SMIM24: variants seen among roughly 807,000 people sequenced by gnomAD.
The protein encoded by SMIM24 is MAP17-related dimer.
Under a neutral mutation model 10.8 loss-of-function variants are expected in SMIM24, and 6 were observed. The ratio of observed to expected loss-of-function variants is 0.55; its 90% CI spans 0.30 to 1.09. The LOEUF is 1.09. SMIM24 is among the 50% of genes least tolerant of loss of function. SMIM24 has a pLI of 0.06. For missense variants in SMIM24, 151 were observed against 153.4 expected, an observed-to-expected ratio of 0.98 and a Z score of 0.08; for synonymous variants, 71 against 62.4, an observed-to-expected ratio of 1.14 and a Z score of -0.65.
chr19:3,478,535 A>C (rs2082802954), intron 2 of SMIM24, 57 bp from the exon 3 acceptor site: 15 of 1,453,776 alleles, frequency 1.0e-5, no homozygotes, highest in Non-Finnish European at 1.4e-5. Context: ...GGGGCGGTAA[A>C]GGGAAGGAAG....
At chr19:3,480,235 G>T (rs1325953344) in intron 1 of SMIM24, among the ~76,000 whole-genome samples, 162 bp downstream of exon 1, 1 of 151,868 alleles carries the variant, frequency 6.6e-6, no homozygotes, top group Non-Finnish European at 1.5e-5. Flanking sequence ...CCCAGCGAGA[G>T]GGAGGCCGGG....
intron 3 of SMIM24, among the ~76,000 whole-genome samples, chr19:3,477,788 G>A (rs1486384956): frequency 6.8e-6 from 1 of 147,632 alleles, no homozygotes; most frequent in Non-Finnish European, 1.5e-5. Context: ...TGAGTGGGTG[G>A]ATGAGTGGAT....
chr19:3,480,376 CT>C lies in SMIM24; in HGVS notation c.67+20del. On this transcript the variant is annotated intron_variant, in intron 1 of 3. Transcript: ENST00000215531. ...CAACTCCCCTATCCCGCGACGCCCC[CT>C]CCCGCCCCCCTGCACCTACCCTGCT... 1.3e-6 allele frequency: 2 copies of C among 1,517,642 alleles called. No individual in the cohort carries two copies. Among genetic ancestry groups the C allele is most frequent in the East Asian group, 2.5e-5 (1 of 39,702 alleles). 94.0% of individuals were successfully genotyped at this position (1,517,642 alleles called of 1,614,324 possible). A position where few individuals can be genotyped will look rare whatever the true frequency, so the allele number is the denominator to read the frequency against.
chr19:3,480,365 C>G (rs775169894), intron 1 of SMIM24, 32 bp downstream of exon 1: 11 of 1,469,186 alleles, frequency 7.5e-6, no homozygotes, highest in Non-Finnish European at 1.0e-5. Flanking sequence ...TCCCCTATCC[C>G]GCGACGCCCC....
chr19:3,475,073 C>T (rs1241491266), intron 3 of SMIM24, 77 bp from the exon 4 acceptor site: 6 of 1,451,262 alleles, frequency 4.1e-6, no homozygotes, highest in African/African-American at 1.4e-5. Context: ...CTTGAGCCAG[C>T]CCATGTGATG....
chr19:3,478,749 CAG>C, intron 2 of SMIM24, 67 bp downstream of exon 2: 2 of 1,199,092 alleles, frequency 1.7e-6, no homozygotes, highest in Non-Finnish European at 2.3e-6. Context: ...ATGGGGGTAC[CAG>C]AGAGGGTTGG....
intron 3 of SMIM24, among the ~76,000 whole-genome samples, chr19:3,477,063 C>CGGG (rs145651664): frequency 1.2e-5 from 1 of 84,360 alleles, no homozygotes; most frequent in African/African-American, 5.3e-5. Flanking sequence ...ATGGATAGGT[C>CGGG]GGGGGGTGGG....
rs902067049 is a variant in SMIM24, at chr19:3,480,422, G to A, written c.42C>T (p.Leu14=). The A allele has an allele frequency of 9.7e-6, 15 of 1,549,164 alleles. No individual in the cohort carries two copies. Among genetic ancestry groups the A allele is most frequent in the African/African-American group, 2.7e-5 (2 of 72,946 alleles). The stretch of plus-strand genomic sequence containing the variant: ...CCTGCTGGGCCTCCACCGGGGAGAG[G>A]AGCAGAAACTCCAGCACCAGAAGGG... ...LGALLVLEFL[L]LSPVEAQQAT... Residue 14 remains leucine (L), a synonymous_variant, in exon 1 of 4, where the codon CTC becomes CTT. Transcript: ENST00000215531.
chr19:3,474,889 T>G lies in SMIM24; in HGVS notation c.347A>C (p.Glu116Ala). The change falls in exon 4 of 4, where the codon GAA becomes GCA. Residue 116 changes from glutamate to alanine, a missense_variant. By Grantham distance (107) the Glu-to-Ala change is moderately radical. Coordinates refer to ENST00000215531, the MANE Select transcript of SMIM24 (RefSeq NM_001136503.2). ...TCTCTCATGGTCTCCGGGCTCTTTT[T>G]CCTCCAGATCCAGTCCCAAGTTGCT... The part of the protein sequence containing the change: ...GESNLGLDLE[E>A]KEPGDHERAK... 6.4e-7 allele frequency: 1 copy of G among 1,551,716 alleles called. No homozygotes were observed. Among genetic ancestry groups the G allele is most frequent in the Non-Finnish European group, 8.7e-7 (1 of 1,147,004 alleles).
chr19:3,474,243 A>G lies in SMIM24; in HGVS notation c.*600T>C, dbSNP rs1332742749. The G allele has an allele frequency of 8.7e-6, 1 of 114,832 alleles. No individual in the cohort carries two copies. Among genetic ancestry groups the G allele is most frequent in the Non-Finnish European group, 1.9e-5 (1 of 51,982 alleles). The allele number at this position is 114,832 out of a possible 1,614,324, so 7.1% of individuals were successfully genotyped here. A position where few individuals can be genotyped will look rare whatever the true frequency, so the allele number is the denominator to read the frequency against. On this transcript the variant is annotated 3_prime_UTR_variant, in exon 4 of 4. Coordinates refer to ENST00000215531, the MANE Select transcript of SMIM24 (RefSeq NM_001136503.2). ...GGGCTCAAAGTCCAGGGCTCAGGAC[A>G]GCAAAAAACCAGATTGCCGGGGGAG...
At position 3,478,913 on chromosome 19, in the gene SMIM24, C is replaced by A. The variant is rs1355648215; in HGVS notation, c.84G>T (p.Leu28=). The A allele has an allele frequency of 1.3e-6, 2 of 1,549,776 alleles. No homozygotes were observed. The highest frequency in any genetic ancestry group is 1.7e-6 in the Non-Finnish European group (2 of 1,146,732). ...VEAQQATEHR[L]KPWLVGLAAV... is the part of the protein sequence containing the mutation. Reference sequence around the variant, plus strand: ...CAGCCAGGCCCACCAGCCACGGCTTCAGGCGATGCTCCGTGGCTGCAGGAA... The same window carrying A: ...CAGCCAGGCCCACCAGCCACGGCTTAAGGCGATGCTCCGTGGCTGCAGGAA... Residue 28 remains leucine, a synonymous_variant, in exon 2 of 4, where the codon CTG becomes CTT. Coordinates refer to ENST00000215531, the MANE Select transcript of SMIM24 (RefSeq NM_001136503.2).
intron 1 of SMIM24, 24 bp downstream of exon 1, chr19:3,480,373 C>CCCCACCCCCCCCCCAGCACCAA: frequency 6.6e-7 from 1 of 1,509,054 alleles, no homozygotes; most frequent in Non-Finnish European, 8.9e-7. Context: ...CCCGCGACGC[C>CCCCACCCCCCCCCCAGCACCAA]CCCTCCCGCC....
chr19:3,480,383 C>T lies in SMIM24; in HGVS notation c.67+14G>A. On this transcript the variant is annotated intron_variant, in intron 1 of 3. Coordinates refer to ENST00000215531, the MANE Select transcript of SMIM24 (RefSeq NM_001136503.2). ...CCTATCCCGCGACGCCCCCTCCCGC[C>T]CCCCTGCACCTACCCTGCTGGGCCT... 1.3e-6 allele frequency: 2 copies of T among 1,529,924 alleles called. No individual in the cohort carries two copies. Among genetic ancestry groups the T allele is most frequent in the Middle Eastern group, 1.8e-4 (1 of 5,672 alleles). 94.8% of individuals were successfully genotyped at this position (1,529,924 alleles called of 1,614,324 possible).
At chr19:3,478,768 G>A in intron 2 of SMIM24, 50 bp downstream of exon 2, 1 of 1,406,882 alleles carries the variant, frequency 7.1e-7, no homozygotes, top group East Asian at 2.5e-5. Flanking sequence ...TTGGGAAGCT[G>A]GGGGTGGGGG....
intron 3 of SMIM24, among the ~76,000 whole-genome samples, chr19:3,477,089 G>GGGA (rs2082795359): frequency 2.2e-5 from 2 of 89,444 alleles, no homozygotes; most frequent in East Asian, 8.1e-4. Context: ...GAATAGATGG[G>GGGA]TGATGGATGG....
chr19:3,480,316 C>A, intron 1 of SMIM24, 81 bp downstream of exon 1: 3 of 1,314,630 alleles, frequency 2.3e-6, no homozygotes, highest in Non-Finnish European at 2.1e-6. Context: ...TCCTTTTTCT[C>A]GCCATGGAAA....
chr19:3,476,667 G>A (rs555091343), intron 3 of SMIM24, among the ~76,000 whole-genome samples: 1 of 152,216 alleles, frequency 6.6e-6, no homozygotes, highest in South Asian at 2.1e-4. Context: ...TCCCAGCCAG[G>A]CTGGTCACCT....
intron 1 of SMIM24, 77 bp downstream of exon 1, chr19:3,480,320 A>G: frequency 1.5e-6 from 2 of 1,324,670 alleles, no homozygotes; most frequent in African/African-American, 1.5e-5. Flanking sequence ...TTTTCTCGCC[A>G]TGGAAAATTG....
chr19:3,475,203 GTGGA>G (rs1308433679), intron 3 of SMIM24, among the ~76,000 whole-genome samples: 1 of 152,182 alleles, frequency 6.6e-6, no homozygotes, highest in African/African-American at 2.4e-5. Context: ...GGATGGATGG[GTGGA>G]TGGATGGATG....
Sources: gnomAD v4.1 joint callset for allele counts (sites outside exome capture counted in the v4.1 genomes callset) on GRCh38, gnomAD v4.1.1 for gene constraint, MANE v1.5 for transcripts, NCBI Gene and HGNC (gene_info 2026-07-23, HGNC 2026-07-21) for gene names.